Variants in ADCY2 observed in about 807,000 individuals in gnomAD.
ADCY2 encodes the protein adenylate cyclase 2.
Under a neutral mutation model 125.2 loss-of-function variants are expected in ADCY2, and 31 were observed. The ratio of observed to expected loss-of-function variants is 0.25; its 90% CI spans 0.19 to 0.33. The LOEUF is 0.33. ADCY2 is among the 10% of genes least tolerant of loss of function. The probability of loss-of-function intolerance (pLI) is 1.00; values close to 1 mark genes in which losing one functional copy is unlikely to be tolerated. For missense variants in ADCY2, 904 were observed against 1,418.2 expected (o/e 0.64, Z 5.82); for synonymous variants, 512 against 548.4 (o/e 0.93, Z 0.93).
At chr5:7,608,321 C>T (rs1026430190) in intron 3 of ADCY2, among the ~76,000 whole-genome samples, 1 of 152,132 alleles carries the variant, frequency 6.6e-6, no homozygotes, top group African/African-American at 2.4e-5. Flanking sequence ...GTGGCTCACA[C>T]CTGTAATCCC....
At chr5:7,707,597 T>C in intron 8 of ADCY2, 109 bp from the exon 9 acceptor site, 1 of 1,317,310 alleles carries the variant, frequency 7.6e-7, no homozygotes, top group African/African-American at 1.5e-5. Context: ...CGGTCAGTGC[T>C]CCTAAGAACT....
At chr5:7,408,181 G>C (rs1051853776) in intron 1 of ADCY2, among the ~76,000 whole-genome samples, 2 of 146,576 alleles carry the variant, frequency 1.4e-5, no homozygotes, top group African/African-American at 5.1e-5. Context: ...CTTCTGTTCA[G>C]TTCTAACCAA....
chr5:7,517,337 G>T (rs950154529), intron 2 of ADCY2, among the ~76,000 whole-genome samples: 1 of 152,180 alleles, frequency 6.6e-6, no homozygotes, highest in Non-Finnish European at 1.5e-5. Flanking sequence ...TGGTAACATG[G>T]AAACCCAAGA....
intron 3 of ADCY2, among the ~76,000 whole-genome samples, chr5:7,571,048 T>G (rs909661838): frequency 2.0e-5 from 3 of 152,176 alleles, no homozygotes; most frequent in Non-Finnish European, 4.4e-5. Flanking sequence ...TACACTTTGG[T>G]AAATATATGC....
intron 2 of ADCY2, among the ~76,000 whole-genome samples, chr5:7,503,401 G>A (rs767307804): frequency 2.6e-5 from 4 of 152,046 alleles, no homozygotes; most frequent in East Asian, 1.9e-4. Context: ...CCAATCGCTC[G>A]CACCCCTACC....
intron 4 of ADCY2, among the ~76,000 whole-genome samples, chr5:7,637,452 GAGAA>G (rs1205031972): frequency 7.6e-6 from 1 of 132,218 alleles, no homozygotes; most frequent in Non-Finnish European, 1.6e-5. Context: ...AAAAAAAAAA[GAGAA>G]GAAGAAGAAG....
At chr5:7,481,431 T>C (rs1742726441) in intron 2 of ADCY2, among the ~76,000 whole-genome samples, 1 of 150,628 alleles carries the variant, frequency 6.6e-6, no homozygotes, top group Admixed American at 6.6e-5. Context: ...CACGCCTGGC[T>C]AATTTTTTGT....
At chr5:7,631,288 T>G (rs753578425) in intron 4 of ADCY2, among the ~76,000 whole-genome samples, 6 of 152,210 alleles carry the variant, frequency 3.9e-5, no homozygotes, top group Non-Finnish European at 7.3e-5. Flanking sequence ...AGTCCCAGAT[T>G]CCAAGGATTA....
At chr5:7,505,893 G>T (rs1193039046) in intron 2 of ADCY2, among the ~76,000 whole-genome samples, 3 of 151,966 alleles carry the variant, frequency 2.0e-5, no homozygotes, top group African/African-American at 7.2e-5. Context: ...TGTTTCAAAA[G>T]AATATGGACA....
intron 2 of ADCY2, among the ~76,000 whole-genome samples, chr5:7,419,834 G>C (rs772395492): frequency 6.6e-6 from 1 of 152,186 alleles, no homozygotes; most frequent in Non-Finnish European, 1.5e-5. Context: ...CAGCTAGCAC[G>C]TGCATGGTCT....
intron 2 of ADCY2, among the ~76,000 whole-genome samples, chr5:7,420,042 A>AAACGGGAGCGATTGCACCCCCCGGGGAC (rs1740132187): frequency 6.6e-6 from 1 of 152,186 alleles, no homozygotes; most frequent in African/African-American, 2.4e-5. Flanking sequence ...TGTGCTTCTC[A>AAACGGGAGCGATTGCACCCCCCGGGGAC]AACGGGAGCG....
In ADCY2 at chr5:7,702,151, G is replaced by A. The variant is rs536544041; in HGVS notation, c.1109+3777G>A. Among the ~76,000 whole-genome samples the A allele has an allele frequency of 1.1e-3, 161 of 152,156 alleles. 1 individual carries two copies. Among genetic ancestry groups the A allele is most frequent in the African/African-American group, 3.7e-3 (155 of 41,516 alleles). The stretch of plus-strand genomic sequence containing the variant: ...TCATGCCTGTAATCCCAGAGCTTTG[G>A]GAGGCCGAGGTGGACTGATCACCTG... On this transcript the variant is annotated intron_variant, in intron 7 of 24. Transcript: ENST00000338316.
At chr5:7,635,841 A>C (rs1738482094) in intron 4 of ADCY2, among the ~76,000 whole-genome samples, 1 of 152,250 alleles carries the variant, frequency 6.6e-6, no homozygotes, top group Admixed American at 6.5e-5. Flanking sequence ...TTTTTTCCTA[A>C]TTTAGTCTTG....
intron 3 of ADCY2, among the ~76,000 whole-genome samples, chr5:7,557,104 T>A (rs1735531329): frequency 6.8e-6 from 1 of 146,450 alleles, no homozygotes; most frequent in South Asian, 2.1e-4. Flanking sequence ...ATAAAAGTTA[T>A]CTCACCTATA....
At position 7,789,670 on chromosome 5, in the gene ADCY2, T is replaced by C; in HGVS notation, c.2498T>C (p.Leu833Ser). 7 of 1,614,068 alleles carry C rather than the reference T, an allele frequency of 4.3e-6. No individual in the cohort carries two copies. Among genetic ancestry groups the C allele is most frequent in the Non-Finnish European group, 5.9e-6 (7 of 1,180,008 alleles). ...GAATATTACTGTAGGTTAGACTTCT[T>C]ATGGAAGAACAAATTCAAAAAAGAG... ...QNEYYCRLDFLWKNKFKKERE... is the reference protein window; with the variant it reads ...QNEYYCRLDFSWKNKFKKERE... The change falls in exon 20 of 25, where the codon TTA becomes TCA. Residue 833 changes from leucine to serine, a missense_variant. Transcript: ENST00000338316.
At chr5:7,502,941 T>G (rs1048781225) in intron 2 of ADCY2, among the ~76,000 whole-genome samples, 3 of 152,202 alleles carry the variant, frequency 2.0e-5, no homozygotes, top group African/African-American at 7.2e-5. Flanking sequence ...ATTGATATGA[T>G]AAAACTGTTG....
chr5:7,412,429 T>A (rs762616342), intron 1 of ADCY2, among the ~76,000 whole-genome samples: 2 of 152,168 alleles, frequency 1.3e-5, no homozygotes, highest in Non-Finnish European at 2.9e-5. Flanking sequence ...TGTGCAGTGG[T>A]CATAATCTCA....
At chr5:7,791,050 T>G (rs6882805) in intron 20 of ADCY2, among the ~76,000 whole-genome samples, 1,618 of 152,030 alleles carry the variant, frequency 0.011, 28 homozygotes, top group African/African-American at 0.036. Flanking sequence ...CAGTTTTTTT[T>G]TGGGGGGGTG....
intron 24 of ADCY2, among the ~76,000 whole-genome samples, chr5:7,822,432 G>A (rs896428907): frequency 6.6e-6 from 1 of 152,164 alleles, no homozygotes; most frequent in East Asian, 1.9e-4. Context: ...AAAATGACAC[G>A]CCAGTGTAAT....
Sources: gnomAD v4.1 joint callset for allele counts (sites outside exome capture counted in the v4.1 genomes callset) on GRCh38, gnomAD v4.1.1 for gene constraint, MANE v1.5 for transcripts, NCBI Gene and HGNC (gene_info 2026-07-23, HGNC 2026-07-21) for gene names.